The following XYLT1 variants were observed in gnomAD, a reference collection of about 807,000 sequenced individuals.
XYLT1 encodes beta-D-xylosyltransferase 1.
Under a neutral mutation model 91.3 loss-of-function variants are expected in XYLT1, and 36 were observed. The observed-to-expected ratio is 0.39, with a 90% confidence interval of 0.30 to 0.52. The LOEUF is 0.52. Among genes scored for constraint, XYLT1 ranks in the 20% least tolerant of loss-of-function variants. The pLI, the probability that XYLT1 is intolerant of heterozygous loss-of-function variation, is 0.68. For synonymous variants in XYLT1, 588 were observed against 532.0 expected (o/e 1.11, Z -1.45); for missense variants, 1,242 against 1,284.5 (o/e 0.97, Z 0.51).
chr16:17,119,016 C>T (rs9921066), intron 10 of XYLT1, among the ~76,000 whole-genome samples: 43,735 of 151,980 alleles, frequency 0.29, 6,785 homozygotes, highest in East Asian at 0.61. Context: ...TGTGTCATTC[C>T]CTACTGCTTT....
chr16:17,288,032 G>C (rs1413209987), intron 2 of XYLT1, among the ~76,000 whole-genome samples: 2 of 151,132 alleles, frequency 1.3e-5, no homozygotes, highest in Non-Finnish European at 2.9e-5. Flanking sequence ...TGAGGCTCAA[G>C]TGATCTCCCA....
intron 5 of XYLT1, among the ~76,000 whole-genome samples, chr16:17,184,610 C>T (rs1248657636): frequency 6.6e-6 from 1 of 152,166 alleles, no homozygotes; most frequent in Admixed American, 6.5e-5. Flanking sequence ...ACGTTTCAAG[C>T]TCTCAATGGC....
intron 1 of XYLT1, among the ~76,000 whole-genome samples, chr16:17,385,115 A>T (rs540308111): frequency 6.6e-6 from 1 of 151,942 alleles, no homozygotes; most frequent in East Asian, 2.0e-4. Context: ...ATGACGGAGC[A>T]GAGAGACATG....
chr16:17,278,579 T>C (rs1345967688), intron 2 of XYLT1, among the ~76,000 whole-genome samples: 1 of 152,168 alleles, frequency 6.6e-6, no homozygotes, highest in African/African-American at 2.4e-5. Context: ...AAGGGAAAAG[T>C]GGAGCTTCAT....
chr16:17,429,112 G>C (rs1364926789), intron 1 of XYLT1, among the ~76,000 whole-genome samples: 2 of 152,184 alleles, frequency 1.3e-5, no homozygotes, highest in Non-Finnish European at 2.9e-5. Flanking sequence ...CTCTGCAGGG[G>C]GAAAGGAGCA....
intron 1 of XYLT1, among the ~76,000 whole-genome samples, chr16:17,383,196 G>A (rs2035702830): frequency 6.6e-6 from 1 of 151,834 alleles, no homozygotes; most frequent in African/African-American, 2.4e-5. Context: ...CACAAACACA[G>A]GAAATGCACA....
At chr16:17,217,716 T>C (rs2032886292) in intron 3 of XYLT1, among the ~76,000 whole-genome samples, 1 of 152,194 alleles carries the variant, frequency 6.6e-6, no homozygotes, top group Non-Finnish European at 1.5e-5. Flanking sequence ...CAGATCAACG[T>C]ATTTTACAAA....
intron 3 of XYLT1, among the ~76,000 whole-genome samples, chr16:17,215,286 G>A (rs1007234827): frequency 2.0e-5 from 3 of 152,194 alleles, no homozygotes; most frequent in Non-Finnish European, 4.4e-5. Context: ...AACCCAGGAG[G>A]CAGACGTTGC....
At chr16:17,336,793 C>G (rs532094038) in intron 2 of XYLT1, among the ~76,000 whole-genome samples, 5 of 152,302 alleles carry the variant, frequency 3.3e-5, no homozygotes, top group African/African-American at 1.2e-4. Context: ...TGGCCTTGCT[C>G]CCTGCCAGTG....
At chr16:17,270,227 C>A (rs1460399911) in intron 2 of XYLT1, among the ~76,000 whole-genome samples, 1 of 152,240 alleles carries the variant, frequency 6.6e-6, no homozygotes, top group Non-Finnish European at 1.5e-5. Context: ...TGCCCTTACC[C>A]CTTTCATAGG....
At chr16:17,414,847 G>C (rs772108896) in intron 1 of XYLT1, among the ~76,000 whole-genome samples, 4 of 152,120 alleles carry the variant, frequency 2.6e-5, no homozygotes, top group Non-Finnish European at 5.9e-5. Context: ...GACAACACAA[G>C]ATGCTGTGAG....
intron 1 of XYLT1, among the ~76,000 whole-genome samples, chr16:17,456,743 A>C (rs540795833): frequency 6.6e-6 from 1 of 152,254 alleles, no homozygotes; most frequent in Non-Finnish European, 1.5e-5. Context: ...CAGGCTCCTG[A>C]GTCACGCTGG....
At chr16:17,114,502 C>T (rs1966848172) in intron 11 of XYLT1, among the ~76,000 whole-genome samples, 1 of 152,150 alleles carries the variant, frequency 6.6e-6, no homozygotes, top group South Asian at 2.1e-4. Flanking sequence ...AAAATTTCCC[C>T]ATGTATTTTG....
At chr16:17,196,877 T>C (rs1202092833) in intron 5 of XYLT1, among the ~76,000 whole-genome samples, 2 of 151,754 alleles carry the variant, frequency 1.3e-5, no homozygotes, top group East Asian at 3.9e-4. Context: ...GAGACCAACA[T>C]GGTGAAACAC....
rs888060158 is a variant in XYLT1 at position 17,460,126 on chromosome 16, G to A, written c.363+10308C>T. On this transcript the variant is annotated intron_variant, in intron 1 of 11. Coordinates refer to ENST00000261381, the MANE Select transcript of XYLT1 (RefSeq NM_022166.4). Reference sequence around the variant, plus strand: ...AAAAAGACACAGAGATGAAAGTCACGGTCCGTCCCTGACAGCGCTGGGACC... The same window carrying A: ...AAAAAGACACAGAGATGAAAGTCACAGTCCGTCCCTGACAGCGCTGGGACC... Among the ~76,000 whole-genome samples, 12 of 152,234 alleles carry A rather than the reference G, an allele frequency of 7.9e-5. 1 individual carries two copies. In the South Asian group the frequency reaches 1.9e-3, roughly 24 times the overall value.
intron 1 of XYLT1, among the ~76,000 whole-genome samples, chr16:17,398,615 C>T (rs1192367935): frequency 6.6e-6 from 1 of 152,030 alleles, no homozygotes; most frequent in Admixed American, 6.5e-5. Flanking sequence ...ATTTCTGGAG[C>T]CTAGAAATCT....
intron 2 of XYLT1, among the ~76,000 whole-genome samples, chr16:17,271,692 A>G (rs2033897562): frequency 6.6e-6 from 1 of 152,090 alleles, no homozygotes; most frequent in African/African-American, 2.4e-5. Flanking sequence ...TACAACCAAA[A>G]ATGTCTCCAG....
At chr16:17,420,457 T>A (rs543513748) in intron 1 of XYLT1, among the ~76,000 whole-genome samples, 15 of 152,258 alleles carry the variant, frequency 9.9e-5, no homozygotes, top group African/African-American at 3.6e-4. Flanking sequence ...CAGGGTTAGG[T>A]AATTTTTTTC....
Position 17,259,370 on chromosome 16 carries a change from G to A in XYLT1, c.531C>T (p.His177=). The A allele has an allele frequency of 6.2e-7, 1 of 1,614,148 alleles. No homozygotes were observed. Among genetic ancestry groups the A allele is most frequent in the Non-Finnish European group, 8.5e-7 (1 of 1,180,038 alleles). ...NFAPRTQKQK[H]QPELAKKPPS... ...GTGGCTTCTTCGCCAACTCAGGCTG[G>A]TGCTTCTGCTTTTGAGTCCTGGGTG... The change falls in exon 3 of 12, where the codon CAC becomes CAT. Residue 177 remains histidine (H), a synonymous_variant. Transcript: ENST00000261381.
Sources: allele counts gnomAD v4.1 joint callset (sites outside exome capture counted in the v4.1 genomes callset), GRCh38; gene constraint gnomAD v4.1.1; transcripts MANE v1.5; gene names NCBI Gene and HGNC (gene_info 2026-07-23, HGNC 2026-07-21).